Variants in ABCB5 observed in about 807,000 individuals in gnomAD.
ABCB5 encodes ATP-binding cassette sub-family B member 5.
ABCB5 carries 155 observed loss-of-function variants against 144.2 expected under a neutral mutation model. The observed-to-expected ratio is 1.08, with a 90% CI of 0.94 to 1.23. The LOEUF (loss-of-function observed/expected upper bound fraction) is 1.23, where lower values mean the gene tolerates loss of function less well. Among genes scored for constraint, ABCB5 ranks in the 50% most tolerant of loss-of-function variants. ABCB5 has a pLI of 0.00. For missense variants in ABCB5, 1,830 were observed against 1,520.8 expected (o/e 1.20, Z -3.38); for synonymous variants, 610 against 528.6 (o/e 1.15, Z -2.11).
At chr7:20,736,705 G>C (rs957636316) in intron 23 of ABCB5, among the ~76,000 whole-genome samples, 12 of 152,182 alleles carry the variant, frequency 7.9e-5, no homozygotes, top group Admixed American at 1.3e-4. Flanking sequence ...GTTTAACTAT[G>C]TTACGGAGTT....
intron 14 of ABCB5, among the ~76,000 whole-genome samples, chr7:20,675,539 A>T (rs774389934): frequency 1.8e-4 from 27 of 152,198 alleles, no homozygotes; most frequent in Non-Finnish European, 3.5e-4. Context: ...AAAACTTAAA[A>T]TGAAACTGTA....
At position 20,745,967 on chromosome 7, in the gene ABCB5, C is replaced by A. The variant is rs75617335; in HGVS notation, c.3429+529C>A. 1.2e-4 allele frequency among the ~76,000 whole-genome samples: 18 copies of A among 152,366 alleles called. No individual in the cohort carries two copies. The East Asian group carries it at 3.3e-3, about 28-fold the overall frequency. On this transcript the variant is annotated intron_variant, in intron 26 of 27. Coordinates refer to ENST00000404938, the MANE Select transcript of ABCB5 (RefSeq NM_001163941.2). ...CCCAGCAACAACCTCACCACACAGTCGCTTTGCTGCAGCTGAGCTGGTCTC... is the reference window on the plus strand; with the variant it reads ...CCCAGCAACAACCTCACCACACAGTAGCTTTGCTGCAGCTGAGCTGGTCTC...
chr7:20,658,678 TA>T lies in ABCB5; in HGVS notation c.1707+4del. On this transcript the variant is annotated splice_donor_region_variant and intron_variant, in intron 14 of 27. Coordinates refer to ENST00000404938, the MANE Select transcript of ABCB5 (RefSeq NM_001163941.2). ...GCTGTTCAAGCTGCACTGGAGAAGG[TA>T]AGTGAGCAGAAACGTTTCTTATTTC... 6.2e-7 allele frequency: 1 copy of T among 1,613,108 alleles called. No homozygotes were observed. The highest frequency in any genetic ancestry group is 1.1e-5 in the South Asian group (1 of 90,740).
At chr7:20,658,790 T>TA in intron 14 of ABCB5, 114 bp downstream of exon 14, 2 of 1,275,102 alleles carry the variant, frequency 1.6e-6, no homozygotes, top group South Asian at 3.0e-5. Flanking sequence ...TCTTAAGGTA[T>TA]AAAGGCAGGA....
Position 20,755,987 on chromosome 7 carries a change from A to C in ABCB5, c.*363A>C, listed in dbSNP as rs918156972. 6 of 260,596 alleles carry C rather than the reference A, an allele frequency of 2.3e-5. No individual in the cohort carries two copies. The highest frequency in any genetic ancestry group is 4.5e-5 in the Non-Finnish European group (6 of 133,428). 16.1% of individuals were successfully genotyped at this position (260,596 alleles called of 1,614,324 possible). On this transcript the variant is annotated 3_prime_UTR_variant, in exon 28 of 28. Transcript: ENST00000404938. ...TCCAATTAACCATGTTGAAGGTTTT[A>C]GCAAAGGCAGTGTAAGATAGAGTGG...
intron 5 of ABCB5, among the ~76,000 whole-genome samples, chr7:20,640,822 C>T (rs1272407669): frequency 3.9e-5 from 6 of 152,146 alleles, no homozygotes; most frequent in African/African-American, 1.4e-4. Flanking sequence ...GTATTTTCCT[C>T]TCCCGTGTTG....
chr7:20,755,716 A>G lies in ABCB5; in HGVS notation c.*92A>G. 2 of 1,097,342 alleles carry G rather than the reference A, an allele frequency of 1.8e-6. No individual in the cohort carries two copies. Among genetic ancestry groups the G allele is most frequent in the Non-Finnish European group, 2.7e-6 (2 of 747,402 alleles). The allele number at this position is 1,097,342 out of a possible 1,614,324, so 68.0% of individuals were successfully genotyped here. A position where few individuals can be genotyped will look rare whatever the true frequency, so the allele number is the denominator to read the frequency against. ...GGCAAGCTTTGATCTCTTTTATTGC[A>G]TATATCAATACCTAGAATCATGCTA... On this transcript the variant is annotated 3_prime_UTR_variant, in exon 28 of 28. Transcript: ENST00000404938.
At chr7:20,682,999 G>T (rs190292408) in intron 15 of ABCB5, among the ~76,000 whole-genome samples, 3 of 152,114 alleles carry the variant, frequency 2.0e-5, no homozygotes, top group Non-Finnish European at 2.9e-5. Flanking sequence ...GACCTGGAAG[G>T]CATCCTTTTT....
rs776042795 is a variant in ABCB5, at chr7:20,643,415, T to C, written c.506+40T>C. The C allele has an allele frequency of 6.2e-6, 10 of 1,613,214 alleles. No homozygotes were observed. The East Asian group carries it at 1.8e-4, about 29-fold the overall frequency. Reference sequence around the variant, plus strand: ...TTGTAGTACGTTAGCTTTGTTTTCATATGTGACATGTAAATGACCTAACTA... The same window carrying C: ...TTGTAGTACGTTAGCTTTGTTTTCACATGTGACATGTAAATGACCTAACTA... On this transcript the variant is annotated intron_variant, in intron 6 of 27. Coordinates refer to ENST00000404938, the MANE Select transcript of ABCB5 (RefSeq NM_001163941.2).
intron 24 of ABCB5, among the ~76,000 whole-genome samples, chr7:20,742,289 G>C (rs1383265110): frequency 2.0e-5 from 3 of 152,174 alleles, no homozygotes; most frequent in Non-Finnish European, 2.9e-5. Context: ...TGGGAGGATG[G>C]CTTGAGCCTG....
At chr7:20,685,037 G>T (rs993119374) in intron 15 of ABCB5, among the ~76,000 whole-genome samples, 2 of 152,104 alleles carry the variant, frequency 1.3e-5, no homozygotes, top group Admixed American at 1.3e-4. Context: ...TTTTAGTAGA[G>T]ACAGGGTGTT....
intron 16 of ABCB5, among the ~76,000 whole-genome samples, chr7:20,686,052 G>A (rs2128040226): frequency 6.6e-6 from 1 of 151,882 alleles, no homozygotes; most frequent in East Asian, 1.9e-4. Context: ...TTCTTTATTG[G>A]GGAAAAAAAA....
intron 14 of ABCB5, among the ~76,000 whole-genome samples, chr7:20,677,966 GACAGCAGCAGAGCATT>G: frequency 6.6e-6 from 1 of 152,264 alleles, no homozygotes; most frequent in South Asian, 2.1e-4. Context: ...ACTCCAGAAT[GACAGCAGCAGAGCATT>G]AAGCCAAGAG....
chr7:20,724,747 C>T (rs370764421), intron 21 of ABCB5, among the ~76,000 whole-genome samples: 1 of 151,610 alleles, frequency 6.6e-6, no homozygotes, highest in African/African-American at 2.4e-5. Flanking sequence ...TAGTCTGTAT[C>T]ACGGTGAATG....
At chr7:20,665,756 T>C (rs1164923371) in intron 14 of ABCB5, among the ~76,000 whole-genome samples, 3 of 138,778 alleles carry the variant, frequency 2.2e-5, no homozygotes, top group Non-Finnish European at 3.1e-5. Flanking sequence ...GATAGATAGA[T>C]AGATAGATAG....
intron 20 of ABCB5, among the ~76,000 whole-genome samples, chr7:20,715,518 C>T (rs972531340): frequency 2.0e-5 from 3 of 152,022 alleles, no homozygotes; most frequent in African/African-American, 7.3e-5. Context: ...TGAAGGGATG[C>T]TCCCACCTCA....
chr7:20,708,653 G>T (rs1381808227), intron 20 of ABCB5, among the ~76,000 whole-genome samples: 1 of 152,164 alleles, frequency 6.6e-6, no homozygotes, highest in East Asian at 1.9e-4. Flanking sequence ...ACGTTTACAA[G>T]AGCAAATGAA....
At chr7:20,743,812 G>A (rs1782634532) in intron 25 of ABCB5, among the ~76,000 whole-genome samples, 1 of 152,046 alleles carries the variant, frequency 6.6e-6, no homozygotes, top group South Asian at 2.1e-4. Context: ...ATGAGTGTTT[G>A]CAAAACAGAG....
chr7:20,733,313 C>G (rs1260840037), intron 23 of ABCB5, among the ~76,000 whole-genome samples: 1 of 151,990 alleles, frequency 6.6e-6, no homozygotes, highest in Non-Finnish European at 1.5e-5. Context: ...GGGCTGATTC[C>G]TCACATATAA....
Sources: allele counts gnomAD v4.1 joint callset (sites outside exome capture counted in the v4.1 genomes callset), GRCh38; gene constraint gnomAD v4.1.1; transcripts MANE v1.5; gene names NCBI Gene and HGNC (gene_info 2026-07-23, HGNC 2026-07-21).